Variants in RRN3 observed in about 807,000 individuals in gnomAD.
The protein encoded by RRN3 is RNA polymerase I transcription factor RRN3, also known as RNA polymerase I-specific transcription initiation factor RRN3.
RRN3 carries 38 observed loss-of-function variants against 82.3 expected under a neutral mutation model. The observed-to-expected ratio is 0.46, with a 90% CI of 0.36 to 0.61. RRN3 has a LOEUF of 0.61. Among genes scored for constraint, RRN3 ranks in the 20% least tolerant of loss-of-function variants. The pLI is 0.00. For missense variants in RRN3, 726 were observed against 793.1 expected (o/e 0.92, Z 1.02); for synonymous variants, 284 against 284.3 (o/e 1.00, Z 0.01).
At chr16:15,088,627 T>C (rs1360304746) in intron 3 of RRN3, among the ~76,000 whole-genome samples, 1 of 151,950 alleles carries the variant, frequency 6.6e-6, no homozygotes, top group Non-Finnish European at 1.5e-5. Context: ...GGAAAAGCTT[T>C]AAAGAGAAAG....
At chr16:15,082,480 C>G (rs1287711754) in intron 8 of RRN3, among the ~76,000 whole-genome samples, 1 of 152,036 alleles carries the variant, frequency 6.6e-6, no homozygotes, top group Non-Finnish European at 1.5e-5. Flanking sequence ...CAAGACCAGT[C>G]TGGCCAACGC....
chr16:15,092,133 C>G (rs1225186269), intron 2 of RRN3, among the ~76,000 whole-genome samples: 1 of 152,090 alleles, frequency 6.6e-6, no homozygotes, highest in South Asian at 2.1e-4. Context: ...GAGCCGAGGT[C>G]ACGCCACTGC....
Position 15,065,230 on chromosome 16 carries a change from A to C in RRN3, c.1695T>G (p.Cys565Trp), listed in dbSNP as rs1254220538. Reference protein sequence around the residue: ...PLDTFFPFDPCVLKRSKKFID... With the variant: ...PLDTFFPFDPWVLKRSKKFID... ...TTAAAAGTACCTACCTCTTCAGCAC[A>C]CAGGGATCAAAGGGGAAGAAGGTGT... The change falls in exon 16 of 18, where the codon TGT (cysteine) becomes TGG (tryptophan). Residue 565 changes from cysteine (C) to tryptophan (W), a missense_variant. By Grantham distance (215) the Cys-to-Trp change is radical. Transcript: ENST00000198767. 1 of 1,613,006 alleles carries C rather than the reference A, an allele frequency of 6.2e-7. No homozygotes were observed. Among genetic ancestry groups the C allele is most frequent in the Non-Finnish European group, 8.5e-7 (1 of 1,179,622 alleles).
chr16:15,073,386 G>A (rs1400536497), intron 11 of RRN3, among the ~76,000 whole-genome samples: 4 of 152,294 alleles, frequency 2.6e-5, no homozygotes, highest in Middle Eastern at 3.4e-3. Context: ...GAGCCCAGGA[G>A]GTCAAGGCTG....
intron 3 of RRN3, among the ~76,000 whole-genome samples, chr16:15,087,835 C>T (rs2045968153): frequency 1.3e-5 from 2 of 152,170 alleles, no homozygotes; most frequent in Non-Finnish European, 2.9e-5. Context: ...GTAAATCAGG[C>T]TGGGCGTGGT....
intron 6 of RRN3, 97 bp from the exon 7 acceptor site, chr16:15,084,802 A>G: frequency 1.2e-6 from 1 of 858,826 alleles, no homozygotes; most frequent in South Asian, 1.4e-5. Context: ...ACAGTGGCTC[A>G]CGCCTGTAAT....
chr16:15,061,630 A>G lies in RRN3; in HGVS notation c.*114T>C, dbSNP rs1400870445. ...AACCTGGAAGTGCCACAGCCGAGGC[A>G]GGCACTCGCTCTAGTTCAATGCCAT... On this transcript the variant is annotated 3_prime_UTR_variant, in exon 18 of 18. Coordinates refer to ENST00000198767, the MANE Select transcript of RRN3 (RefSeq NM_018427.5). 1.1e-6 allele frequency: 1 copy of G among 937,676 alleles called. No individual in the cohort carries two copies. The highest frequency in any genetic ancestry group is 1.6e-6 in the Non-Finnish European group (1 of 630,256). The allele number at this position is 937,676 out of a possible 1,614,324, so 58.1% of individuals were successfully genotyped here.
chr16:15,062,887 G>C (rs925533699), intron 17 of RRN3, among the ~76,000 whole-genome samples: 3 of 152,202 alleles, frequency 2.0e-5, no homozygotes, highest in Admixed American at 1.3e-4. Context: ...AAAGAAAACA[G>C]GGTCTTGCTC....
At chr16:15,087,021 C>T (rs527244668) in intron 3 of RRN3, among the ~76,000 whole-genome samples, 1 of 152,212 alleles carries the variant, frequency 6.6e-6, no homozygotes, top group African/African-American at 2.4e-5. Flanking sequence ...AATTACTGTT[C>T]ATAGTAATTG....
intron 15 of RRN3, among the ~76,000 whole-genome samples, chr16:15,065,816 G>A (rs2044945881): frequency 6.6e-6 from 1 of 152,302 alleles, no homozygotes; most frequent in Non-Finnish European, 1.5e-5. Flanking sequence ...GGTTGGTGAA[G>A]AGACTTGCTG....
At chr16:15,070,727 G>A (rs898671280) in intron 13 of RRN3, among the ~76,000 whole-genome samples, 4 of 152,002 alleles carry the variant, frequency 2.6e-5, no homozygotes, top group African/African-American at 9.7e-5. Flanking sequence ...GCCACTGGAA[G>A]AAACTGGCCT....
rs747297754 is a variant in RRN3, at chr16:15,092,498, T to C, written c.195+11A>G. 1.0e-5 allele frequency: 16 copies of C among 1,582,434 alleles called. No individual in the cohort carries two copies. The Middle Eastern group carries it at 5.0e-4, about 49-fold the overall frequency. ...AACCAAAAGCAAACCTCACACATTA[T>C]CTCCCCTTACCTTTTTGTACTTCAG... On this transcript the variant is annotated intron_variant, in intron 2 of 17. Coordinates refer to ENST00000198767, the MANE Select transcript of RRN3 (RefSeq NM_018427.5).
intron 9 of RRN3, among the ~76,000 whole-genome samples, chr16:15,078,234 C>A (rs1334253601): frequency 1.3e-5 from 2 of 152,226 alleles, no homozygotes. Flanking sequence ...TCCAGCTCTT[C>A]TGAGACCTTG....
rs536465694 is a variant in RRN3 at position 15,063,354 on chromosome 16, T to C, written c.1707-71A>G. 1.2e-5 allele frequency: 14 copies of C among 1,129,302 alleles called. No individual in the cohort carries two copies. In the East Asian group the frequency reaches 2.3e-4, roughly 19 times the overall value. 70.0% of individuals were successfully genotyped at this position (1,129,302 alleles called of 1,614,324 possible). On this transcript the variant is annotated intron_variant, in intron 16 of 17. Transcript: ENST00000198767. ...AGAAGTCAAAATTGGTTTGGATCTT[T>C]TCTCACAAGATCTATTACCCAAAAC...
chr16:15,075,868 T>C (rs1364095867), intron 10 of RRN3, among the ~76,000 whole-genome samples: 1 of 152,040 alleles, frequency 6.6e-6, no homozygotes, highest in Non-Finnish European at 1.5e-5. Flanking sequence ...GGCCAATAGC[T>C]CACAGCCGCC....
At chr16:15,085,226 G>C (rs1015447671) in intron 6 of RRN3, among the ~76,000 whole-genome samples, 1 of 152,142 alleles carries the variant, frequency 6.6e-6, no homozygotes, top group Admixed American at 6.6e-5. Context: ...CAGGACAAAT[G>C]ACTGCATATC....
At chr16:15,089,600 A>G (rs1464000952) in intron 3 of RRN3, among the ~76,000 whole-genome samples, 1 of 151,718 alleles carries the variant, frequency 6.6e-6, no homozygotes, top group African/African-American at 2.4e-5. Flanking sequence ...GAAGATCGAG[A>G]CCATCCTGGC....
At chr16:15,066,219 T>C (rs2151763977) in intron 15 of RRN3, among the ~76,000 whole-genome samples, 1 of 152,242 alleles carries the variant, frequency 6.6e-6, no homozygotes, top group Non-Finnish European at 1.5e-5. Flanking sequence ...GGAGGGTGGT[T>C]TGCACTATCA....
In RRN3 at chr16:15,071,237, T is replaced by C. The variant is rs754034194; in HGVS notation, c.1143A>G (p.Ala381=). ...ATTTTTTCCAGAGATGTTCCAAAAA[T>C]GCCTCTGCGAATCCCTATAAAAAGA... is the stretch of plus-strand genomic sequence containing the variant. ...LCSFKLGFAE[A]FLEHLWKKLQ... is the part of the protein sequence containing the mutation. Residue 381 remains alanine (A), a synonymous_variant, in exon 13 of 18, where the codon GCA becomes GCG. Transcript: ENST00000198767. 5 of 1,610,316 alleles carry C rather than the reference T, an allele frequency of 3.1e-6. No homozygotes were observed. The South Asian group carries it at 3.3e-5, about 11-fold the overall frequency.
Sources: allele counts gnomAD v4.1 joint callset (sites outside exome capture counted in the v4.1 genomes callset), GRCh38; gene constraint gnomAD v4.1.1; transcripts MANE v1.5; gene names NCBI Gene and HGNC (gene_info 2026-07-23, HGNC 2026-07-21).